UPK3BL2: variants seen among roughly 807,000 people sequenced by gnomAD.
UPK3BL2 encodes uroplakin-3b-like protein 2.
In UPK3BL2, 1 loss-of-function variant was observed where a neutral mutation model predicts 11.3. The ratio of observed to expected loss-of-function variants is 0.09; its 90% CI spans 0.03 to 0.42. UPK3BL2 has a LOEUF of 0.42. Among genes scored for constraint, UPK3BL2 ranks in the 10% least tolerant of loss-of-function variants. The pLI is 0.98.
At chr7:102,540,850 C>CAAAACAAAAAAAAA (rs1800224413) in intron 3 of UPK3BL2, among the ~76,000 whole-genome samples, 3 of 60,674 alleles carry the variant, frequency 4.9e-5, no homozygotes, top group Admixed American at 3.4e-4. Flanking sequence ...TCTCAAAAAA[C>CAAAACAAAAAAAAA]AAAACAAAAA....
At chr7:102,539,061 C>CT (rs1161838451) in intron 5 of UPK3BL2, among the ~76,000 whole-genome samples, 12 of 45,212 alleles carry the variant, frequency 2.7e-4, no homozygotes, top group African/African-American at 6.3e-4. Flanking sequence ...ACACCCCCCC[C>CT]TTTTTTTTTT....
Position 102,540,940 on chromosome 7 carries a change from T to C in UPK3BL2, c.485+153A>G, listed in dbSNP as rs376939904. Among the ~76,000 whole-genome samples the C allele has an allele frequency of 6.1e-4, 73 of 120,140 alleles. No individual in the cohort carries two copies. The East Asian group carries it at 0.016, about 27-fold the overall frequency. The allele number at this position is 120,140 out of a possible 152,430, so 78.8% of individuals were successfully genotyped here. A position where few individuals can be genotyped will look rare whatever the true frequency, so the allele number is the denominator to read the frequency against. ...TTCATGTAATTCATGAAGGCCTCCC[T>C]AGCCCCTGCCTGCTGCTTCCTCTTC... On this transcript the variant is annotated intron_variant, in intron 3 of 5. Transcript: ENST00000644544.
At chr7:102,540,165 TCTGTC>T (rs1800192187) in intron 3 of UPK3BL2, 74 bp from the exon 4 acceptor site, 1 of 945,992 alleles carries the variant, frequency 1.1e-6, no homozygotes, top group African/African-American at 2.2e-5. Flanking sequence ...TGCCTGCAAG[TCTGTC>T]CCCTGGAGTC....
intron 1 of UPK3BL2, chr7:102,542,337 T>C (rs1271261752): frequency 1.0e-6 from 1 of 979,158 alleles, no homozygotes; most frequent in African/African-American, 1.7e-5. Flanking sequence ...GACTCCCACC[T>C]CATCTCTCTG....
chr7:102,542,398 G>C (rs1424690680), intron 1 of UPK3BL2: 1 of 981,456 alleles, frequency 1.0e-6, no homozygotes, highest in Admixed American at 6.2e-5. Flanking sequence ...CCCCAAAGGG[G>C]ACTCAGGATT....
intron 1 of UPK3BL2, chr7:102,542,886 T>C (rs1800331813): frequency 3.7e-6 from 1 of 268,856 alleles, no homozygotes; most frequent in African/African-American, 2.2e-5. Context: ...TAATCTCAGC[T>C]ACTCAGGAGG....
chr7:102,538,288 A>G (rs1338953390), downstream of UPK3BL2: 65 of 414,914 alleles, frequency 1.6e-4, no homozygotes, highest in Non-Finnish European at 2.2e-4. Flanking sequence ...TCAAAAAAAA[A>G]AAAAAAAATA....
At chr7:102,539,061 CTT>C (rs1161838451) in intron 5 of UPK3BL2, among the ~76,000 whole-genome samples, 3 of 45,206 alleles carry the variant, frequency 6.6e-5, no homozygotes, top group African/African-American at 1.6e-4. Context: ...ACACCCCCCC[CTT>C]TTTTTTTTTA....
intron 3 of UPK3BL2, among the ~76,000 whole-genome samples, chr7:102,540,877 G>GA (rs1800237802): frequency 2.9e-5 from 2 of 68,352 alleles, no homozygotes; most frequent in East Asian, 4.5e-4. Flanking sequence ...AAAAAAAAAA[G>GA]AAGAAAAGGA....
At chr7:102,538,311 A>G (rs1800151526), downstream of UPK3BL2, 1 of 379,152 alleles carries the variant, frequency 2.6e-6, no homozygotes, top group Admixed American at 5.3e-5. Context: ...AAAGAAAAGA[A>G]ACAATCTCTC....
chr7:102,538,302 A>G (rs2133365786), downstream of UPK3BL2: 1 of 401,094 alleles, frequency 2.5e-6, no homozygotes, highest in African/African-American at 2.2e-5. Context: ...AAAAATAGTA[A>G]AGAAAAGAAA....
chr7:102,541,846 G>A (rs1193654963), intron 1 of UPK3BL2, among the ~76,000 whole-genome samples, 184 bp from the exon 2 acceptor site: 1 of 151,570 alleles, frequency 6.6e-6, no homozygotes, highest in Non-Finnish European at 1.5e-5. Flanking sequence ...GGCATGGGTG[G>A]GAGGCCTGAG....
chr7:102,540,845 AAAAAC>A (rs1300721518), intron 3 of UPK3BL2, among the ~76,000 whole-genome samples: 4 of 127,422 alleles, frequency 3.1e-5, no homozygotes, highest in East Asian at 2.3e-4. Context: ...CTCCATCTCA[AAAAAC>A]AAAACAAAAA....
At chr7:102,540,855 C>CAAAAAAAAAAAAAAA (rs1158192702) in intron 3 of UPK3BL2, among the ~76,000 whole-genome samples, 49 of 61,186 alleles carry the variant, frequency 8.0e-4, no homozygotes, top group African/African-American at 1.5e-3. Flanking sequence ...AAAAACAAAA[C>CAAAAAAAAAAAAAAA]AAAAAAAAAA....
downstream of UPK3BL2, chr7:102,538,290 A>G: frequency 7.2e-6 from 3 of 414,200 alleles, no homozygotes; most frequent in Non-Finnish European, 8.4e-6. Context: ...AAAAAAAAAA[A>G]AAAAAATAGT....
Position 102,540,855 on chromosome 7 carries a change from C to CAAAACAAAAAAAAAAAAAAAAA in UPK3BL2, c.485+237_485+238insTTTTTTTTTTTTTTTTTGTTTT, listed in dbSNP as rs1479651896. Among the ~76,000 whole-genome samples, 56 of 61,242 alleles carry CAAAACAAAAAAAAAAAAAAAAA rather than the reference C, an allele frequency of 9.1e-4. 3 individuals are homozygous for CAAAACAAAAAAAAAAAAAAAAA. Among genetic ancestry groups the CAAAACAAAAAAAAAAAAAAAAA allele is most frequent in the Middle Eastern group, 0.011 (1 of 90 alleles). 40.2% of individuals were successfully genotyped at this position (61,242 alleles called of 152,430 possible). The stretch of plus-strand genomic sequence containing the variant: ...CAAGACTCCATCTCAAAAAACAAAA[C>CAAAACAAAAAAAAAAAAAAAAA]AAAAAAAAAAAAAAAAAAAAAGAAG... On this transcript the variant is annotated intron_variant, in intron 3 of 5. Coordinates refer to ENST00000644544, the Ensembl canonical transcript of UPK3BL2.
intron 5 of UPK3BL2, 55 bp from the exon 6 acceptor site, chr7:102,538,580 C>T (rs1200714208): frequency 1.5e-5 from 2 of 134,654 alleles, no homozygotes; most frequent in East Asian, 2.2e-4. Context: ...AGGCTCTGGC[C>T]GAGATCCCAC....
At chr7:102,542,457 C>G (rs1172350854) in intron 1 of UPK3BL2, 1 of 984,454 alleles carries the variant, frequency 1.0e-6, no homozygotes, top group Admixed American at 6.2e-5. Context: ...CTCAGACCTC[C>G]CCAACCCCAA....
chr7:102,540,719 CT>C, intron 3 of UPK3BL2, among the ~76,000 whole-genome samples: 1 of 150,752 alleles, frequency 6.6e-6, no homozygotes, highest in Middle Eastern at 3.4e-3. Context: ...TGTCAGATGC[CT>C]GTAATTCCAG....
Sources: gnomAD v4.1 joint callset for allele counts (sites outside exome capture counted in the v4.1 genomes callset) on GRCh38, gnomAD v4.1.1 for gene constraint, MANE v1.5 for transcripts, NCBI Gene and HGNC (gene_info 2026-07-23, HGNC 2026-07-21) for gene names.